PTPRT: variants seen among roughly 807,000 people sequenced by gnomAD.
PTPRT encodes protein tyrosine phosphatase receptor type T.
PTPRT carries 56 observed loss-of-function variants against 176.8 expected under a neutral mutation model. That is an observed-to-expected ratio of 0.32 (90% CI 0.26 to 0.40). The LOEUF (loss-of-function observed/expected upper bound fraction) is 0.40. Among genes scored for constraint, PTPRT ranks in the 10% least tolerant of loss-of-function variants. The pLI is 1.00. For synonymous variants in PTPRT, 783 were observed against 739.0 expected (o/e 1.06, Z -0.96); for missense variants, 1,540 against 1,908.2 (o/e 0.81, Z 3.60).
intron 7 of PTPRT, among the ~76,000 whole-genome samples, chr20:42,509,557 T>TAATTTATAGATATATAAA: frequency 2.7e-5 from 4 of 148,842 alleles, no homozygotes; most frequent in East Asian, 1.9e-4. Flanking sequence ...AATTTATATT[T>TAATTTATAGATATATAAA]CTATTCAAAC....
At chr20:43,005,666 T>C (rs1600641442) in intron 1 of PTPRT, among the ~76,000 whole-genome samples, 1 of 152,228 alleles carries the variant, frequency 6.6e-6, no homozygotes, top group Middle Eastern at 3.2e-3. Flanking sequence ...GTGTCTATTT[T>C]GCTCTTCACC....
intron 15 of PTPRT, among the ~76,000 whole-genome samples, chr20:42,206,891 T>A (rs1270142816): frequency 6.6e-6 from 1 of 152,220 alleles, no homozygotes; most frequent in Non-Finnish European, 1.5e-5. Flanking sequence ...TAAATGTCCC[T>A]GTCTGACAGC....
At chr20:42,266,924 C>T (rs888117884) in intron 13 of PTPRT, among the ~76,000 whole-genome samples, 15 of 152,050 alleles carry the variant, frequency 9.9e-5, no homozygotes, top group African/African-American at 3.1e-4. Context: ...TTGAAGTGTT[C>T]TATGTGTAAA....
chr20:42,198,771 T>C (rs1468042096), intron 16 of PTPRT, among the ~76,000 whole-genome samples: 1 of 152,310 alleles, frequency 6.6e-6, no homozygotes. Context: ...GCCATTGTAT[T>C]TTAGATAAGT....
chr20:42,863,646 G>C (rs891336361), intron 2 of PTPRT, among the ~76,000 whole-genome samples: 3 of 152,140 alleles, frequency 2.0e-5, no homozygotes, highest in Non-Finnish European at 4.4e-5. Flanking sequence ...GTCAGTGGTC[G>C]TGAGCTCCTC....
At chr20:42,684,522 C>G (rs893332587) in intron 6 of PTPRT, among the ~76,000 whole-genome samples, 2 of 152,094 alleles carry the variant, frequency 1.3e-5, no homozygotes, top group Non-Finnish European at 2.9e-5. Context: ...GTAGAGAATA[C>G]TGAATGCACC....
intron 2 of PTPRT, among the ~76,000 whole-genome samples, chr20:42,837,697 G>A (rs894641736): frequency 1.2e-4 from 18 of 152,196 alleles, no homozygotes; most frequent in African/African-American, 4.1e-4. Flanking sequence ...CTATTCCAGT[G>A]CTTAGCAACG....
intron 19 of PTPRT, 108 bp from the exon 20 acceptor site, chr20:42,120,079 G>A (rs763129207): frequency 1.6e-5 from 15 of 960,390 alleles, no homozygotes; most frequent in East Asian, 8.1e-5. Flanking sequence ...TGGGCAAAAT[G>A]AGAACAGCAT....
At position 42,221,087 on chromosome 20, in the gene PTPRT, G is replaced by A. The variant is rs147253396; in HGVS notation, c.2342+15142C>T. 3.6e-3 allele frequency among the ~76,000 whole-genome samples: 546 copies of A among 152,170 alleles called. 7 individuals carry two copies. Among genetic ancestry groups the A allele is most frequent in the African/African-American group, 4.1e-3 (172 of 41,522 alleles). ...GCGATCTTGGCTCACTGCAACCTCC[G>A]CTTCCCGGGTTCAAGAAGCAATTCT... On this transcript the variant is annotated intron_variant, in intron 15 of 30. Transcript: ENST00000373187.
In PTPRT at chr20:42,568,799, C is replaced by A. The variant is rs187835359; in HGVS notation, c.1154-96237G>T. ...GCACGGTGGCTCATGCCTGTAATCC[C>A]AGAACTTTGAGAGGCTGAGGTGGGT... On this transcript the variant is annotated intron_variant, in intron 7 of 30. Coordinates refer to ENST00000373187, the MANE Select transcript of PTPRT (RefSeq NM_007050.6). Among the ~76,000 whole-genome samples the A allele has an allele frequency of 1.6e-4, 24 of 151,714 alleles. No homozygotes were observed. In the East Asian group the frequency reaches 2.5e-3, roughly 16 times the overall value.
chr20:43,049,528 C>T (rs1337760113), intron 1 of PTPRT, among the ~76,000 whole-genome samples: 3 of 152,164 alleles, frequency 2.0e-5, no homozygotes, highest in Non-Finnish European at 4.4e-5. Context: ...TCAATCCAAA[C>T]ATCTCAGACA....
At chr20:42,152,499 A>G (rs2146463744) in intron 17 of PTPRT, among the ~76,000 whole-genome samples, 1 of 152,366 alleles carries the variant, frequency 6.6e-6, no homozygotes, top group Non-Finnish European at 1.5e-5. Flanking sequence ...AGTTGAGTGC[A>G]TGTCTGCATG....
chr20:42,496,357 TC>T (rs762722377), intron 7 of PTPRT, among the ~76,000 whole-genome samples: 2 of 152,198 alleles, frequency 1.3e-5, no homozygotes, highest in African/African-American at 2.4e-5. Flanking sequence ...CAATTTTTCT[TC>T]CACCTCTTGC....
At chr20:42,719,123 G>A (rs1009343944) in intron 6 of PTPRT, among the ~76,000 whole-genome samples, 6 of 152,210 alleles carry the variant, frequency 3.9e-5, no homozygotes, top group Non-Finnish European at 8.8e-5. Context: ...AAAACTTCGA[G>A]AAGAACATGT....
intron 7 of PTPRT, among the ~76,000 whole-genome samples, chr20:42,501,703 A>G (rs530659519): frequency 6.6e-6 from 1 of 152,308 alleles, no homozygotes; most frequent in South Asian, 2.1e-4. Context: ...TCTGGTTTTT[A>G]CATAGAAAGT....
At chr20:43,011,898 C>G (rs889090984) in intron 1 of PTPRT, among the ~76,000 whole-genome samples, 1 of 152,152 alleles carries the variant, frequency 6.6e-6, no homozygotes, top group African/African-American at 2.4e-5. Flanking sequence ...AGTCTTCCGG[C>G]CTTCATCTTT....
intron 6 of PTPRT, among the ~76,000 whole-genome samples, chr20:42,688,968 A>G (rs1401768077): frequency 6.6e-6 from 1 of 152,206 alleles, no homozygotes; most frequent in African/African-American, 2.4e-5. Context: ...AAAGTGATAC[A>G]GGCTGGGAAG....
At chr20:42,364,477 AT>A (rs373163176) in intron 9 of PTPRT, among the ~76,000 whole-genome samples, 7 of 151,314 alleles carry the variant, frequency 4.6e-5, no homozygotes, top group South Asian at 2.1e-4. Context: ...TGTAAAGCCT[AT>A]TTTTTTTTGT....
chr20:42,715,851 A>G (rs1195931826), intron 6 of PTPRT, among the ~76,000 whole-genome samples: 1 of 152,224 alleles, frequency 6.6e-6, no homozygotes, highest in Non-Finnish European at 1.5e-5. Flanking sequence ...ATAAATCAAC[A>G]TATTGGTGCT....
Sources: gnomAD v4.1 joint callset for allele counts (sites outside exome capture counted in the v4.1 genomes callset) on GRCh38, gnomAD v4.1.1 for gene constraint, MANE v1.5 for transcripts, NCBI Gene and HGNC (gene_info 2026-07-23, HGNC 2026-07-21) for gene names.